The following PTPRO variants were observed in gnomAD, a reference collection of about 807,000 sequenced individuals.
The protein encoded by PTPRO is receptor-type tyrosine-protein phosphatase O.
In PTPRO, 62 loss-of-function variants were observed where a neutral mutation model predicts 145.2. The ratio of observed to expected loss-of-function variants is 0.43; its 90% CI spans 0.35 to 0.53. PTPRO has a LOEUF of 0.53. Ranked by LOEUF, PTPRO falls within the 20% of genes least tolerant of loss-of-function variation. The probability of loss-of-function intolerance (pLI) is 0.01; values close to 1 mark genes in which losing one functional copy is unlikely to be tolerated. For missense variants in PTPRO, 1,345 were observed against 1,482.7 expected (o/e 0.91, Z 1.53); for synonymous variants, 565 against 514.7 (o/e 1.10, Z -1.32).
intron 1 of PTPRO, among the ~76,000 whole-genome samples, chr12:15,430,401 A>G (rs1454278784): frequency 6.6e-6 from 1 of 152,084 alleles, no homozygotes; most frequent in Non-Finnish European, 1.5e-5. Flanking sequence ...TTCCTCCTTG[A>G]CTTGACTTGA....
chr12:15,492,451 C>T (rs891345944), intron 2 of PTPRO, among the ~76,000 whole-genome samples: 1 of 152,034 alleles, frequency 6.6e-6, no homozygotes, highest in African/African-American at 2.4e-5. Flanking sequence ...GCTGTGCCTA[C>T]AGTTCCACCT....
chr12:15,515,732 C>G, intron 8 of PTPRO, 114 bp downstream of exon 8: 2 of 1,316,310 alleles, frequency 1.5e-6, no homozygotes, highest in Non-Finnish European at 2.2e-6. Flanking sequence ...CATATTAGTT[C>G]ATCCAATATG....
At chr12:15,411,812 G>T (rs1315102595) in intron 1 of PTPRO, among the ~76,000 whole-genome samples, 1 of 152,196 alleles carries the variant, frequency 6.6e-6, no homozygotes, top group Non-Finnish European at 1.5e-5. Flanking sequence ...TTGGTTATTT[G>T]CTACGAAGAC....
At chr12:15,373,932 C>T (rs989367403) in intron 1 of PTPRO, among the ~76,000 whole-genome samples, 6 of 151,904 alleles carry the variant, frequency 3.9e-5, no homozygotes, top group Admixed American at 6.6e-5. Flanking sequence ...GTATATTTTG[C>T]GTGGTATGGG....
chr12:15,335,321 G>C (rs559862074), intron 1 of PTPRO, among the ~76,000 whole-genome samples: 2 of 152,048 alleles, frequency 1.3e-5, no homozygotes, highest in South Asian at 4.2e-4. Context: ...CGAGGGAATG[G>C]TATATTGTCT....
Position 15,508,551 on chromosome 12 carries a change from T to C in PTPRO, c.1268-20T>C. On this transcript the variant is annotated intron_variant, in intron 6 of 26. Coordinates refer to ENST00000281171, the MANE Select transcript of PTPRO (RefSeq NM_030667.3). The stretch of plus-strand genomic sequence containing the variant: ...AGTGTAACGTGCAGCCTCCCCTGTG[T>C]TCCAATTTGAAATGTGCAGGTCCTT... 6.2e-7 allele frequency: 1 copy of C among 1,612,374 alleles called. No homozygotes were observed. Among genetic ancestry groups the C allele is most frequent in the South Asian group, 1.1e-5 (1 of 90,936 alleles).
rs970563081 is a variant in PTPRO, at chr12:15,439,937, C to T, written c.76-44037C>T. 25 of 678,890 alleles carry T rather than the reference C, an allele frequency of 3.7e-5. 1 individual carries two copies. The East Asian group carries it at 5.9e-4, about 16-fold the overall frequency. 42.1% of individuals were successfully genotyped at this position (678,890 alleles called of 1,614,324 possible). On this transcript the variant is annotated intron_variant, in intron 1 of 26. Transcript: ENST00000281171. ...TGGGGACTACAATGGCCACATCGGT[C>T]TGGGTGTTAAGTGCTCCAAGGAGGT...
At chr12:15,333,566 G>C (rs1001058251) in intron 1 of PTPRO, among the ~76,000 whole-genome samples, 2 of 152,226 alleles carry the variant, frequency 1.3e-5, no homozygotes, top group Admixed American at 6.5e-5. Flanking sequence ...ACTCGAGACA[G>C]AGGAATAGCA....
intron 12 of PTPRO, among the ~76,000 whole-genome samples, chr12:15,541,976 A>G (rs1157005529): frequency 6.6e-6 from 1 of 151,802 alleles, no homozygotes; most frequent in African/African-American, 2.4e-5. Context: ...ATGCCACTGC[A>G]CTCCAGCCTG....
chr12:15,451,533 C>T (rs1941046082), intron 1 of PTPRO, among the ~76,000 whole-genome samples: 1 of 152,144 alleles, frequency 6.6e-6, no homozygotes, highest in African/African-American at 2.4e-5. Context: ...CCATCAACCA[C>T]AGAATATGCA....
chr12:15,518,062 C>A (rs1179438011), intron 9 of PTPRO, among the ~76,000 whole-genome samples: 1 of 152,226 alleles, frequency 6.6e-6, no homozygotes, highest in Non-Finnish European at 1.5e-5. Flanking sequence ...CCCTGCCCTG[C>A]TGCAGCAAAC....
chr12:15,570,504 T>A (rs906849983), intron 19 of PTPRO, among the ~76,000 whole-genome samples: 1 of 152,160 alleles, frequency 6.6e-6, no homozygotes, highest in African/African-American at 2.4e-5. Flanking sequence ...AAGAATCTTA[T>A]ACATTACCAA....
intron 1 of PTPRO, among the ~76,000 whole-genome samples, chr12:15,340,918 T>C (rs1294423154): frequency 6.6e-6 from 1 of 152,206 alleles, no homozygotes; most frequent in East Asian, 1.9e-4. Flanking sequence ...ATAGTAGTGT[T>C]CTGTGTTCCT....
intron 1 of PTPRO, among the ~76,000 whole-genome samples, chr12:15,370,611 G>T (rs1427159816): frequency 6.6e-6 from 1 of 151,940 alleles, no homozygotes. Context: ...ATGTATGAGA[G>T]GTGTCATAAT....
chr12:15,533,834 T>C (rs977427604), intron 12 of PTPRO, among the ~76,000 whole-genome samples: 2 of 152,176 alleles, frequency 1.3e-5, no homozygotes, highest in African/African-American at 4.8e-5. Context: ...CCGTAACTGG[T>C]TGGGCTAACC....
At chr12:15,525,050 C>A in intron 11 of PTPRO, 85 bp downstream of exon 11, 1 of 1,507,838 alleles carries the variant, frequency 6.6e-7, no homozygotes, top group Non-Finnish European at 9.1e-7. Context: ...CATTTATTGA[C>A]ACGTCAAATG....
At chr12:15,338,575 A>G (rs183441584) in intron 1 of PTPRO, among the ~76,000 whole-genome samples, 181 of 152,302 alleles carry the variant, frequency 1.2e-3, no homozygotes, top group Non-Finnish European at 7.5e-4. Flanking sequence ...ATTCCCCTTC[A>G]TAATTCCCAC....
At position 15,387,811 on chromosome 12, in the gene PTPRO, A is replaced by G. The variant is rs541991527; in HGVS notation, c.75+65010A>G. On this transcript the variant is annotated intron_variant, in intron 1 of 26. Coordinates refer to ENST00000281171, the MANE Select transcript of PTPRO (RefSeq NM_030667.3). ...ATATGTAACAGACCACAAGAATGTT[A>G]AAAGAGTGGTCTTCAAACTCAAAAG... is the stretch of plus-strand genomic sequence containing the variant. Among the ~76,000 whole-genome samples, 23 of 152,366 alleles carry G rather than the reference A, an allele frequency of 1.5e-4. No homozygotes were observed. The South Asian group carries it at 3.7e-3, about 25-fold the overall frequency.
chr12:15,546,820 T>G (rs1943303804), intron 13 of PTPRO, 112 bp downstream of exon 13: 1 of 1,455,718 alleles, frequency 6.9e-7, no homozygotes, highest in African/African-American at 1.4e-5. Context: ...AACTGTTTAT[T>G]TGCTCTTTTG....
Sources: gnomAD v4.1 joint callset for allele counts (sites outside exome capture counted in the v4.1 genomes callset) on GRCh38, gnomAD v4.1.1 for gene constraint, MANE v1.5 for transcripts, NCBI Gene and HGNC (gene_info 2026-07-23, HGNC 2026-07-21) for gene names.